The following ATP10D variants were observed in gnomAD, a reference collection of about 807,000 sequenced individuals.
ATP10D encodes the protein phospholipid-transporting ATPase VD.
Under a neutral mutation model 144.8 loss-of-function variants are expected in ATP10D, and 89 were observed. The ratio of observed to expected loss-of-function variants is 0.61; its 90% CI spans 0.52 to 0.73. The LOEUF (loss-of-function observed/expected upper bound fraction) is 0.73. Ranked by LOEUF, ATP10D falls within the 30% of genes least tolerant of loss-of-function variation. The pLI, the probability that ATP10D is intolerant of heterozygous loss-of-function variation, is 0.00. For synonymous variants in ATP10D, 571 were observed against 615.1 expected, an observed-to-expected ratio of 0.93 and a Z score of 1.06; for missense variants, 1,603 against 1,714.8, an observed-to-expected ratio of 0.93 and a Z score of 1.15.
At chr4:47,576,711 A>T in intron 18 of ATP10D, 62 bp from the exon 19 acceptor site, 1 of 1,498,994 alleles carries the variant, frequency 6.7e-7, no homozygotes. Flanking sequence ...AGCATTTGGA[A>T]TGTGTAATCA....
intron 10 of ATP10D, among the ~76,000 whole-genome samples, chr4:47,551,189 C>T (rs1345693891): frequency 1.3e-5 from 2 of 152,188 alleles, no homozygotes; most frequent in Non-Finnish European, 2.9e-5. Flanking sequence ...GTCACCTTCC[C>T]AGCTAGGCTT....
chr4:47,521,310 C>G (rs934699942), intron 3 of ATP10D, among the ~76,000 whole-genome samples: 1 of 152,178 alleles, frequency 6.6e-6, no homozygotes, highest in Non-Finnish European at 1.5e-5. Flanking sequence ...AAATCTGAGA[C>G]CTGTGACAGC....
At chr4:47,588,260 A>C (rs558985989) in intron 22 of ATP10D, among the ~76,000 whole-genome samples, 4 of 152,318 alleles carry the variant, frequency 2.6e-5, no homozygotes, top group African/African-American at 9.6e-5. Context: ...TGGAACTCAG[A>C]ACTCATCATC....
At chr4:47,573,099 A>T in intron 18 of ATP10D, 102 bp downstream of exon 18, 1 of 1,385,962 alleles carries the variant, frequency 7.2e-7, no homozygotes, top group South Asian at 1.3e-5. Flanking sequence ...CACTTTCCTT[A>T]TTGATGTATT....
intron 13 of ATP10D, among the ~76,000 whole-genome samples, chr4:47,559,480 C>T (rs560984107): frequency 1.4e-3 from 209 of 152,172 alleles, no homozygotes; most frequent in Middle Eastern, 0.01. Flanking sequence ...ATATGTAAAT[C>T]CAGGTAAATA....
Position 47,536,573 on chromosome 4 carries a change from T to G in ATP10D, c.1143+9T>G. Reference sequence around the variant, plus strand: ...TGATCATTTTGTTACAGGTAATTTTTTATCAAGCTTATGGTAGAATTTTAA... The same window carrying G: ...TGATCATTTTGTTACAGGTAATTTTGTATCAAGCTTATGGTAGAATTTTAA... On this transcript the variant is annotated intron_variant, in intron 8 of 22. Coordinates refer to ENST00000273859, the MANE Select transcript of ATP10D (RefSeq NM_020453.4). 1 of 1,611,626 alleles carries G rather than the reference T, an allele frequency of 6.2e-7. No homozygotes were observed. The highest frequency in any genetic ancestry group is 8.5e-7 in the Non-Finnish European group (1 of 1,179,128).
intron 20 of ATP10D, among the ~76,000 whole-genome samples, chr4:47,580,891 C>A (rs1451469815): frequency 6.6e-6 from 1 of 152,044 alleles, no homozygotes; most frequent in Non-Finnish European, 1.5e-5. Context: ...GTGAGGCCAC[C>A]ATCTCTACAA....
At chr4:47,578,898 A>C (rs147357048) in intron 19 of ATP10D, among the ~76,000 whole-genome samples, 1 of 152,370 alleles carries the variant, frequency 6.6e-6, no homozygotes, top group African/African-American at 2.4e-5. Flanking sequence ...AAAGAATGGA[A>C]GAATGTATAT....
chr4:47,565,435 T>G (rs1719574530), intron 15 of ATP10D, among the ~76,000 whole-genome samples: 1 of 152,178 alleles, frequency 6.6e-6, no homozygotes, highest in Non-Finnish European at 1.5e-5. Flanking sequence ...TGCTTAGTCA[T>G]TTCAGTCACC....
rs147568390 is a variant in ATP10D, at chr4:47,568,964, G to T, written c.2981G>T (p.Arg994Leu). 2 of 1,614,138 alleles carry T rather than the reference G, an allele frequency of 1.2e-6. No homozygotes were observed. The highest frequency in any genetic ancestry group is 1.3e-5 in the African/African-American group (1 of 75,024). ...CCTGTCCCCCGGGACTCAGGGTTAC[G>T]AGCTGGACTCATTATCACTGGGAAG... is the stretch of plus-strand genomic sequence containing the variant. ...QPPVPRDSGL[R>L]AGLIITGKTL... The change falls in exon 16 of 23, where the codon CGA (arginine) becomes CTA (leucine). Residue 994 changes from arginine (R) to leucine (L), a missense_variant. By Grantham distance (102) the Arg-to-Leu change is moderately radical. Transcript: ENST00000273859.
rs1028145314 is a variant in ATP10D at position 47,591,536 on chromosome 4, G to C, written c.*155G>C. On this transcript the variant is annotated 3_prime_UTR_variant, in exon 23 of 23. Coordinates refer to ENST00000273859, the MANE Select transcript of ATP10D (RefSeq NM_020453.4). ...ACATGATGAGCATTATTGTATGTTT[G>C]TATATACATTTGTGATAGAGGGCTA... The C allele has an allele frequency of 1.3e-5, 8 of 595,702 alleles. No homozygotes were observed. In the African/African-American group the frequency reaches 1.5e-4, roughly 11 times the overall value. The allele number at this position is 595,702 out of a possible 1,614,324, so 36.9% of individuals were successfully genotyped here.
chr4:47,563,874 C>CT lies in ATP10D; in HGVS notation c.2853+116dup, dbSNP rs1233701549. ...AAAAAAACAAAACAGCAACCGTTAG[C>CT]TTTTTTTGTTGTTTGTTTGTTTGTT... On this transcript the variant is annotated intron_variant, in intron 15 of 22. Transcript: ENST00000273859. The CT allele has an allele frequency of 1.1e-5, 12 of 1,106,930 alleles. No homozygotes were observed. The East Asian group carries it at 2.5e-4, about 23-fold the overall frequency. 68.6% of individuals were successfully genotyped at this position (1,106,930 alleles called of 1,614,324 possible).
intron 22 of ATP10D, 68 bp from the exon 23 acceptor site, chr4:47,590,973 AT>A: frequency 1.9e-6 from 2 of 1,033,892 alleles, no homozygotes; most frequent in Non-Finnish European, 2.7e-6. Flanking sequence ...ATTCGTTAGT[AT>A]TTGGGGGGGG....
At chr4:47,534,770 C>G (rs1243447787) in intron 5 of ATP10D, among the ~76,000 whole-genome samples, 2 of 152,152 alleles carry the variant, frequency 1.3e-5, no homozygotes, top group African/African-American at 4.8e-5. Context: ...AAGCAGGATT[C>G]TTGCTTGGAA....
intron 1 of ATP10D, among the ~76,000 whole-genome samples, chr4:47,509,855 A>T (rs1443838840): frequency 6.6e-6 from 1 of 152,070 alleles, no homozygotes; most frequent in Non-Finnish European, 1.5e-5. Flanking sequence ...CCTAACTAGT[A>T]CTAATATGAG....
At chr4:47,513,724 T>A (rs1716485103) in intron 2 of ATP10D, among the ~76,000 whole-genome samples, 2 of 152,190 alleles carry the variant, frequency 1.3e-5, no homozygotes, top group Non-Finnish European at 2.9e-5. Flanking sequence ...GAAAGATAGA[T>A]GTGACCCAGG....
chr4:47,577,078 A>C, intron 19 of ATP10D, 105 bp downstream of exon 19: 1 of 975,662 alleles, frequency 1.0e-6, no homozygotes, highest in Non-Finnish European at 1.5e-6. Context: ...ACTGTTTGAA[A>C]TATCTGATTG....
intron 18 of ATP10D, among the ~76,000 whole-genome samples, chr4:47,574,996 G>T (rs1720156568): frequency 1.3e-5 from 2 of 151,900 alleles, no homozygotes; most frequent in South Asian, 2.1e-4. Flanking sequence ...TTTTTTGCGG[G>T]GGGAGAGACA....
At chr4:47,505,670 A>C (rs1019009918) in intron 1 of ATP10D, among the ~76,000 whole-genome samples, 3 of 152,002 alleles carry the variant, frequency 2.0e-5, no homozygotes, top group Admixed American at 6.6e-5. Flanking sequence ...AGGGAGGCAG[A>C]GATTGCAGTG....
Sources: allele counts gnomAD v4.1 joint callset (sites outside exome capture counted in the v4.1 genomes callset), GRCh38; gene constraint gnomAD v4.1.1; transcripts MANE v1.5; gene names NCBI Gene and HGNC (gene_info 2026-07-23, HGNC 2026-07-21).